Variants in SULF1 observed in about 807,000 individuals in gnomAD.
SULF1 encodes sulfatase 1, also known as extracellular sulfatase Sulf-1.
In SULF1, 46 loss-of-function variants were observed where a neutral mutation model predicts 110.5. The ratio of observed to expected loss-of-function variants is 0.42; its 90% CI spans 0.33 to 0.53. The LOEUF is 0.53. Ranked by LOEUF, SULF1 falls within the 20% of genes least tolerant of loss-of-function variation. The pLI, the probability that SULF1 is intolerant of heterozygous loss-of-function variation, is 0.12. For synonymous variants in SULF1, 371 were observed against 387.1 expected, an observed-to-expected ratio of 0.96 and a Z score of 0.49; for missense variants, 941 against 1,094.2, an observed-to-expected ratio of 0.86 and a Z score of 1.98.
At chr8:69,602,627 C>G in intron 10 of SULF1, among the ~76,000 whole-genome samples, 1 of 152,260 alleles carries the variant, frequency 6.6e-6, no homozygotes, top group East Asian at 1.9e-4. Flanking sequence ...GAATCTCCCC[C>G]GAGTACCACA....
chr8:69,625,569 T>C (rs986291704), intron 15 of SULF1, among the ~76,000 whole-genome samples: 13 of 152,206 alleles, frequency 8.5e-5, no homozygotes, highest in Admixed American at 2.6e-4. Context: ...GCAGTGAAGC[T>C]GCAGACCTTC....
chr8:69,494,747 AC>A (rs1428561459), intron 1 of SULF1, among the ~76,000 whole-genome samples: 2 of 152,146 alleles, frequency 1.3e-5, no homozygotes, highest in African/African-American at 4.8e-5. Flanking sequence ...GAGCCTTGTG[AC>A]ACACACCTGT....
intron 3 of SULF1, among the ~76,000 whole-genome samples, chr8:69,545,248 C>T (rs1194723540): frequency 6.6e-6 from 1 of 152,012 alleles, no homozygotes; most frequent in African/African-American, 2.4e-5. Flanking sequence ...ATAGCACTTA[C>T]CATATGTTAT....
intron 8 of SULF1, among the ~76,000 whole-genome samples, chr8:69,595,341 C>T (rs1327555549): frequency 6.6e-6 from 1 of 152,182 alleles, no homozygotes; most frequent in East Asian, 1.9e-4. Flanking sequence ...GAGCTATGAA[C>T]AATTCTATCC....
intron 3 of SULF1, chr8:69,563,144 G>T (rs942127311): frequency 6.6e-6 from 1 of 152,500 alleles, no homozygotes; most frequent in African/African-American, 2.4e-5. Flanking sequence ...TCACACGCAG[G>T]TGAGTCAGCG....
chr8:69,539,923 T>C (rs1014522725), intron 3 of SULF1, among the ~76,000 whole-genome samples: 11 of 152,158 alleles, frequency 7.2e-5, no homozygotes, highest in African/African-American at 2.7e-4. Flanking sequence ...TAGGCCAGCA[T>C]CTAAGAAGAT....
Position 69,658,498 on chromosome 8 carries a change from T to G in SULF1, c.2586-7T>G. On this transcript the variant is annotated splice_region_variant and splice_polypyrimidine_tract_variant and intron_variant, in intron 22 of 22. Transcript: ENST00000402687. The stretch of plus-strand genomic sequence containing the variant: ...CTAATGATTCACCTTCTTCTCTCTT[T>G]TCACAGAGGACAGTTATGGGATGGA... 6.3e-7 allele frequency: 1 copy of G among 1,576,454 alleles called. No homozygotes were observed.
chr8:69,533,897 G>C (rs1813270026), intron 3 of SULF1, among the ~76,000 whole-genome samples: 1 of 152,062 alleles, frequency 6.6e-6, no homozygotes, highest in South Asian at 2.1e-4. Context: ...GTAGAGAATA[G>C]CCTAAAATCC....
intron 15 of SULF1, 66 bp downstream of exon 15, chr8:69,624,263 C>A: frequency 6.6e-7 from 1 of 1,510,050 alleles, no homozygotes; most frequent in South Asian, 1.4e-5. Context: ...ACCATATTAT[C>A]ACCATTTTGC....
chr8:69,638,656 T>A lies in SULF1; in HGVS notation c.2427+12T>A, dbSNP rs1456367451. 5.6e-6 allele frequency: 9 copies of A among 1,612,240 alleles called. No individual in the cohort carries two copies. The highest frequency in any genetic ancestry group is 7.6e-6 in the Non-Finnish European group (9 of 1,179,388). On this transcript the variant is annotated intron_variant, in intron 20 of 22. Coordinates refer to ENST00000402687, the MANE Select transcript of SULF1 (RefSeq NM_001128205.2). Reference sequence around the variant, plus strand: ...CAGATCCTTATCAGGTAAGACAATATATGTTCATTTTATGAAGGTTGTTGA... The same window carrying A: ...CAGATCCTTATCAGGTAAGACAATAAATGTTCATTTTATGAAGGTTGTTGA...
At chr8:69,483,641 C>T (rs538414101) in intron 1 of SULF1, among the ~76,000 whole-genome samples, 14 of 152,092 alleles carry the variant, frequency 9.2e-5, no homozygotes, top group South Asian at 4.2e-4. Flanking sequence ...ATGTTCTTGC[C>T]GGCACGGTGG....
chr8:69,505,346 T>C (rs780154102), intron 3 of SULF1, among the ~76,000 whole-genome samples: 71 of 152,318 alleles, frequency 4.7e-4, no homozygotes, highest in Admixed American at 2.6e-3. Flanking sequence ...TGGCCTTTAT[T>C]GTACCTTCTG....
At chr8:69,488,912 G>A (rs1354939106), upstream of SULF1, among the ~76,000 whole-genome samples, 1 of 152,112 alleles carries the variant, frequency 6.6e-6, no homozygotes, top group East Asian at 1.9e-4. Context: ...CGGGGAAGGT[G>A]TAATTGGCTT....
chr8:69,592,399 A>T (rs1397886682), intron 8 of SULF1, among the ~76,000 whole-genome samples: 1 of 152,228 alleles, frequency 6.6e-6, no homozygotes, highest in East Asian at 1.9e-4. Context: ...ACATTTCCAC[A>T]TGCAAATAGA....
At chr8:69,606,870 C>T (rs755126689) in intron 13 of SULF1, among the ~76,000 whole-genome samples, 3 of 152,272 alleles carry the variant, frequency 2.0e-5, no homozygotes, top group Non-Finnish European at 4.4e-5. Flanking sequence ...TATATGAGAA[C>T]GTCAGCAATG....
At position 69,604,861 on chromosome 8, in the gene SULF1, C is replaced by G; in HGVS notation, c.1306C>G (p.Pro436Ala). The change falls in exon 13 of 23, where the codon CCC becomes GCC. Residue 436 changes from proline (P) to alanine (A), a missense_variant. Coordinates refer to ENST00000402687, the MANE Select transcript of SULF1 (RefSeq NM_001128205.2). ...GAATATCCAACAGTCAAATCACTTG[C>G]CCAAATATGAACGGGTCAAAGAACT... The part of the protein sequence containing the change: ...SKNIQQSNHL[P>A]KYERVKELCQ... The G allele has an allele frequency of 1.2e-6, 2 of 1,614,158 alleles. No individual in the cohort carries two copies. The highest frequency in any genetic ancestry group is 8.5e-7 in the Non-Finnish European group (1 of 1,180,024).
At chr8:69,561,843 A>T (rs1815505880) in intron 3 of SULF1, among the ~76,000 whole-genome samples, 1 of 152,174 alleles carries the variant, frequency 6.6e-6, no homozygotes. Context: ...TCATTTTATT[A>T]CTTTAGTTTT....
intron 22 of SULF1, among the ~76,000 whole-genome samples, chr8:69,646,449 G>A (rs972759834): frequency 6.0e-5 from 9 of 148,860 alleles, no homozygotes; most frequent in African/African-American, 1.5e-4. Context: ...TTTTTAAGAC[G>A]GAGTCTCACA....
intron 3 of SULF1, among the ~76,000 whole-genome samples, chr8:69,545,193 G>A (rs941704052): frequency 6.8e-6 from 1 of 147,962 alleles, no homozygotes; most frequent in South Asian, 2.1e-4. Context: ...GGAGTATAAT[G>A]TCTGTTAAGA....
Sources: gnomAD v4.1 joint callset for allele counts (sites outside exome capture counted in the v4.1 genomes callset) on GRCh38, gnomAD v4.1.1 for gene constraint, MANE v1.5 for transcripts, NCBI Gene and HGNC (gene_info 2026-07-23, HGNC 2026-07-21) for gene names.